The following LRRC8C variants were observed in gnomAD, a reference collection of about 807,000 sequenced individuals.
The protein encoded by LRRC8C is leucine rich repeat containing 8 VRAC subunit C.
Under a neutral mutation model 55.3 loss-of-function variants are expected in LRRC8C, and 20 were observed. The ratio of observed to expected loss-of-function variants is 0.36; its 90% CI spans 0.25 to 0.53. The LOEUF (loss-of-function observed/expected upper bound fraction) is 0.53. LRRC8C is among the 20% of genes least tolerant of loss of function. LRRC8C has a pLI of 0.92. For missense variants in LRRC8C, 659 were observed against 951.4 expected (o/e 0.69, Z 4.04); for synonymous variants, 376 against 360.7 (o/e 1.04, Z -0.48).
chr1:89,670,515 AT>A (rs976912255), intron 1 of LRRC8C, among the ~76,000 whole-genome samples: 10 of 152,144 alleles, frequency 6.6e-5, no homozygotes, highest in African/African-American at 2.2e-4. Flanking sequence ...CAGCTAATGC[AT>A]TGTTGGAGTA....
At chr1:89,637,706 C>T (rs1193300351) in intron 1 of LRRC8C, among the ~76,000 whole-genome samples, 1 of 152,034 alleles carries the variant, frequency 6.6e-6, no homozygotes, top group African/African-American at 2.4e-5. Flanking sequence ...AGAGTGTAAT[C>T]TCAGAACTTT....
Position 89,713,954 on chromosome 1 carries a change from A to G in LRRC8C, c.1384A>G (p.Thr462Ala), listed in dbSNP as rs1459023170. The G allele has an allele frequency of 6.2e-7, 1 of 1,613,720 alleles. No individual in the cohort carries two copies. Among genetic ancestry groups the G allele is most frequent in the Non-Finnish European group, 8.5e-7 (1 of 1,180,004 alleles). ...EIIKNVMIPATIAQLDNLQEL... is the reference protein window; with the variant it reads ...EIIKNVMIPAAIAQLDNLQEL... Reference sequence around the variant, plus strand: ...CATTAAGAACGTAATGATACCAGCCACCATTGCACAGCTAGACAATCTTCA... The same window carrying G: ...CATTAAGAACGTAATGATACCAGCCGCCATTGCACAGCTAGACAATCTTCA... The change falls in exon 3 of 3, where the codon ACC becomes GCC. Residue 462 changes from threonine (T) to alanine (A), a missense_variant. Thr to Ala is a moderately conservative substitution (Grantham distance 58). Coordinates refer to ENST00000370454, the MANE Select transcript of LRRC8C (RefSeq NM_032270.5). The surrounding 1 kb of genome is among the most constrained non-coding windows in gnomAD (Gnocchi z 5.2).
At chr1:89,692,943 A>T (rs1658064076) in intron 2 of LRRC8C, among the ~76,000 whole-genome samples, 1 of 152,194 alleles carries the variant, frequency 6.6e-6, no homozygotes, top group Admixed American at 6.5e-5. Flanking sequence ...AAAACAGCCC[A>T]TGGGCAGACC....
intron 2 of LRRC8C, among the ~76,000 whole-genome samples, chr1:89,691,695 A>T (rs561883467): frequency 6.6e-6 from 1 of 152,306 alleles, no homozygotes; most frequent in East Asian, 1.9e-4. Flanking sequence ...AGAGGGATGC[A>T]GCTGAGATTC....
upstream of LRRC8C, among the ~76,000 whole-genome samples, chr1:89,630,803 G>A (rs1656086772): frequency 6.6e-6 from 1 of 152,204 alleles, no homozygotes; most frequent in African/African-American, 2.4e-5. Context: ...AAGTGTGGAT[G>A]TTAATGTGAA....
intron 2 of LRRC8C, among the ~76,000 whole-genome samples, chr1:89,707,361 T>C (rs113813403): frequency 0.048 from 7,251 of 151,750 alleles, 622 homozygotes; most frequent in African/African-American, 0.17. Context: ...GAGCTGAGAT[T>C]GCGCCACTGC....
intron 2 of LRRC8C, chr1:89,706,280 T>G (rs1415158514): frequency 4.4e-6 from 2 of 456,026 alleles, no homozygotes; most frequent in East Asian, 1.4e-4. Context: ...TGCCTTCGTT[T>G]ATATGTTCTT....
In LRRC8C at chr1:89,715,148, C is replaced by A; in HGVS notation, c.*166C>A. On this transcript the variant is annotated 3_prime_UTR_variant, in exon 3 of 3. Coordinates refer to ENST00000370454, the MANE Select transcript of LRRC8C (RefSeq NM_032270.5). ...TAATAAAAATTTAATTGTATTTTTT[C>A]AATATTAATATTTTGAAGTTTTATT... 4.9e-6 allele frequency: 2 copies of A among 411,906 alleles called. No homozygotes were observed. Among genetic ancestry groups the A allele is most frequent in the Non-Finnish European group, 8.5e-6 (2 of 234,450 alleles). The allele number at this position is 411,906 out of a possible 1,614,324, so 25.5% of individuals were successfully genotyped here.
At chr1:89,659,061 TTGTGTGTGTGTGTGTG>T (rs71084956) in intron 1 of LRRC8C, among the ~76,000 whole-genome samples, 1 of 53,974 alleles carries the variant, frequency 1.9e-5, no homozygotes, top group African/African-American at 6.3e-5. Flanking sequence ...TTTTTTTTTT[TTGTGTGTGTGTGTGTG>T]TGTGTGTGTG....
chr1:89,657,744 A>G (rs972784205), intron 1 of LRRC8C, among the ~76,000 whole-genome samples: 1 of 149,400 alleles, frequency 6.7e-6, no homozygotes, highest in Non-Finnish European at 1.5e-5. Flanking sequence ...TGTATCAAAA[A>G]AAAAAAAAAA....
chr1:89,707,535 T>C (rs1658518626), intron 2 of LRRC8C, among the ~76,000 whole-genome samples: 1 of 152,062 alleles, frequency 6.6e-6, no homozygotes, highest in Non-Finnish European at 1.5e-5. Flanking sequence ...AATCTTTAGA[T>C]TACAGATTTT....
chr1:89,684,768 T>A lies in LRRC8C; in HGVS notation c.-4-1702T>A, dbSNP rs143267017. Among the ~76,000 whole-genome samples the A allele has an allele frequency of 6.6e-5, 10 of 152,322 alleles. No homozygotes were observed. The East Asian group carries it at 1.9e-3, about 29-fold the overall frequency. On this transcript the variant is annotated intron_variant, in intron 1 of 2. Coordinates refer to ENST00000370454, the MANE Select transcript of LRRC8C (RefSeq NM_032270.5). The stretch of plus-strand genomic sequence containing the variant: ...TGCAGTTTGCCTGCAATACATGTTT[T>A]AAGGAGACACATAGGCAGAACATGT...
At position 89,717,839 on chromosome 1, in the gene LRRC8C, C is replaced by T. The variant is rs949892020; in HGVS notation, c.*2857C>T. ...TTCTAAAAAGGAATAACTATTATAG[C>T]TCTATTTCCCCAATCTCTATAGGAC... On this transcript the variant is annotated 3_prime_UTR_variant, in exon 3 of 3. Coordinates refer to ENST00000370454, the MANE Select transcript of LRRC8C (RefSeq NM_032270.5). The T allele has an allele frequency of 6.6e-6, 1 of 152,148 alleles. No individual in the cohort carries two copies. The highest frequency in any genetic ancestry group is 1.5e-5 in the Non-Finnish European group (1 of 67,992). 9.4% of individuals were successfully genotyped at this position (152,148 alleles called of 1,614,324 possible). A position where few individuals can be genotyped will look rare whatever the true frequency, so the allele number is the denominator to read the frequency against.
In LRRC8C at chr1:89,659,055, TTTTTTTTGTG is replaced by T. The variant is rs1256237353; in HGVS notation, c.-5+25735_-5+25744del. Among the ~76,000 whole-genome samples the T allele has an allele frequency of 3.7e-3, 415 of 110,992 alleles. 16 individuals carry two copies. Among genetic ancestry groups the T allele is most frequent in the East Asian group, 9.4e-3 (36 of 3,814 alleles). 72.8% of individuals were successfully genotyped at this position (110,992 alleles called of 152,430 possible). ...AGGTTGTGTCTTCTCCAGGTTTTTT[TTTTTTTTGTG>T]TGTGTGTGTGTGTGTGTGTGTGTGT... is the stretch of plus-strand genomic sequence containing the variant. On this transcript the variant is annotated intron_variant, in intron 1 of 2. Transcript: ENST00000370454.
At chr1:89,624,742 T>C in the LRRC8C span, 1 of 152,192 alleles carries the variant, frequency 6.6e-6, no homozygotes, top group African/African-American at 2.4e-5. Context: ...AACTCAAAAA[T>C]AACAAAATAT....
intron 2 of LRRC8C, among the ~76,000 whole-genome samples, chr1:89,695,343 A>G (rs1254298669): frequency 1.3e-5 from 2 of 152,250 alleles, no homozygotes; most frequent in Admixed American, 1.3e-4. Flanking sequence ...CTATCTTAAA[A>G]TAGAATTGGC....
At chr1:89,662,877 G>A (rs967815982) in intron 1 of LRRC8C, among the ~76,000 whole-genome samples, 8 of 151,966 alleles carry the variant, frequency 5.3e-5, no homozygotes, top group Non-Finnish European at 7.4e-5. Context: ...GAACCTGCAG[G>A]TTTGTTACAT....
intron 1 of LRRC8C, among the ~76,000 whole-genome samples, chr1:89,679,876 A>G (rs879761723): frequency 1.3e-5 from 2 of 152,230 alleles, no homozygotes; most frequent in African/African-American, 4.8e-5. Flanking sequence ...CAGTGTTAGC[A>G]ATCGTGTTGG....
chr1:89,616,991 C>G, the LRRC8C span, among the ~76,000 whole-genome samples: 1 of 152,102 alleles, frequency 6.6e-6, no homozygotes, highest in African/African-American at 2.4e-5. Flanking sequence ...ATGCCTTGTG[C>G]CTTCTCTTTC....
Sources: gnomAD v4.1 joint callset for allele counts (sites outside exome capture counted in the v4.1 genomes callset) on GRCh38, gnomAD v4.1.1 for gene constraint, Gnocchi (gnomAD v3.1) non-coding constraint, MANE v1.5 for transcripts, NCBI Gene and HGNC (gene_info 2026-07-23, HGNC 2026-07-21) for gene names.